The following KLHDC3 variants were observed in gnomAD, a reference collection of about 807,000 sequenced individuals.
KLHDC3 encodes the protein kelch domain-containing protein 3.
In KLHDC3, 5 loss-of-function variants were observed where a neutral mutation model predicts 44.1. The ratio of observed to expected loss-of-function variants is 0.11; its 90% CI spans 0.06 to 0.24. KLHDC3 has a LOEUF of 0.24. Among genes scored for constraint, KLHDC3 ranks in the 10% least tolerant of loss-of-function variants. The probability of loss-of-function intolerance (pLI) is 1.00; values close to 1 mark genes in which losing one functional copy is unlikely to be tolerated. For missense variants in KLHDC3, 247 were observed against 514.3 expected (o/e 0.48, Z 5.03); for synonymous variants, 170 against 189.0 (o/e 0.90, Z 0.82).
chr6:43,019,142 C>CT lies in KLHDC3; in HGVS notation c.981dup (p.Asp328Ter), dbSNP rs1396122960. ...GATGAATTTGACCTTATAGATCATTCTGACTTACACATTTTGGACTTTAGT... is the reference window on the plus strand; with the variant it reads ...GATGAATTTGACCTTATAGATCATTCTTGACTTACACATTTTGGACTTTAGT... On this transcript the variant is annotated frameshift_variant, in exon 9 of 11. Coordinates refer to ENST00000326974, the MANE Select transcript of KLHDC3 (RefSeq NM_057161.4). LOFTEE classifies it high-confidence loss of function. 1 of 1,612,646 alleles carries CT rather than the reference C, an allele frequency of 6.2e-7. No individual in the cohort carries two copies.
At position 43,018,938 on chromosome 6, in the gene KLHDC3, T is replaced by C. The variant is rs1275760556; in HGVS notation, c.896T>C (p.Val299Ala). The change falls in exon 8 of 11, where the codon GTT becomes GCT. Residue 299 changes from valine (V) to alanine (A), a missense_variant. By Grantham distance (64) the Val-to-Ala change is moderately conservative. This residue lies in a region of KLHDC3 where 176 missense variants were observed against 413.5 expected (regional missense o/e 0.43). Coordinates refer to ENST00000326974, the MANE Select transcript of KLHDC3 (RefSeq NM_057161.4). This position sits in a 1 kb window ranked among gnomAD's most constrained non-coding sequence, Gnocchi z 6.0. ...CGCCGGCGCCAGTGCTGCTGTATTG[T>C]TGGTGACAAGATTGTCCTCTTTGGG... ...CPRRRQCCCI[V>A]GDKIVLFGGT... The C allele has an allele frequency of 6.2e-7, 1 of 1,612,786 alleles. No homozygotes were observed. Among genetic ancestry groups the C allele is most frequent in the Non-Finnish European group, 8.5e-7 (1 of 1,179,228 alleles).
In KLHDC3 at chr6:43,017,698, G is replaced by A. The variant is rs111835570; in HGVS notation, c.331+3G>A. Reference sequence around the variant, plus strand: ...TGTGCTCTATGCCTTTGACGTCAGTGAGTATGGATCTCAGAGAGGCTATGT... The same window carrying A: ...TGTGCTCTATGCCTTTGACGTCAGTAAGTATGGATCTCAGAGAGGCTATGT... On this transcript the variant is annotated splice_donor_region_variant and intron_variant, in intron 3 of 10. Transcript: ENST00000326974. The surrounding 1 kb of genome is among the most constrained non-coding windows in gnomAD (Gnocchi z 6.0). 1 of 1,610,030 alleles carries A rather than the reference G, an allele frequency of 6.2e-7. No homozygotes were observed. Among genetic ancestry groups the A allele is most frequent in the Non-Finnish European group, 8.5e-7 (1 of 1,177,426 alleles).
In KLHDC3 at chr6:43,017,839, C is replaced by T; in HGVS notation, c.332-14C>T. On this transcript the variant is annotated splice_polypyrimidine_tract_variant and intron_variant, in intron 3 of 10. Transcript: ENST00000326974. The surrounding 1 kb of genome is among the most constrained non-coding windows in gnomAD (Gnocchi z 6.0). ...AGAGGGTGCTTAGTTGAGCCATTTTCTCATCTCCTTCAGATACGCACAAGT... is the reference window on the plus strand; with the variant it reads ...AGAGGGTGCTTAGTTGAGCCATTTTTTCATCTCCTTCAGATACGCACAAGT... The T allele has an allele frequency of 6.2e-7, 1 of 1,610,142 alleles. No homozygotes were observed. Among genetic ancestry groups the T allele is most frequent in the Non-Finnish European group, 8.5e-7 (1 of 1,177,026 alleles).
In KLHDC3 at chr6:43,021,213, A is replaced by T. The variant is rs916390343; in HGVS notation, c.*480A>T. On this transcript the variant is annotated 3_prime_UTR_variant, in exon 11 of 11. Coordinates refer to ENST00000326974, the MANE Select transcript of KLHDC3 (RefSeq NM_057161.4). The stretch of plus-strand genomic sequence containing the variant: ...TTGGGGAGGTGGGGACCAGCAGATA[A>T]ATCCCACCCTTCCTTGAGCTGTCGC... 5 of 408,102 alleles carry T rather than the reference A, an allele frequency of 1.2e-5. No individual in the cohort carries two copies. The highest frequency in any genetic ancestry group is 1.0e-4 in the African/African-American group (5 of 48,698). The allele number at this position is 408,102 out of a possible 1,614,324, so 25.3% of individuals were successfully genotyped here.
Position 43,017,160 on chromosome 6 carries a change from G to A in KLHDC3, c.-33G>A, listed in dbSNP as rs373950853. The A allele has an allele frequency of 2.5e-6, 4 of 1,600,946 alleles. No individual in the cohort carries two copies. Among genetic ancestry groups the A allele is most frequent in the South Asian group, 2.2e-5 (2 of 90,240 alleles). On this transcript the variant is annotated 5_prime_UTR_variant, in exon 2 of 11. Coordinates refer to ENST00000326974, the MANE Select transcript of KLHDC3 (RefSeq NM_057161.4). The surrounding 1 kb of genome is among the most constrained non-coding windows in gnomAD (Gnocchi z 6.0). ...TAGCAGAGGCAGCAGGCCGTGCCGG[G>A]GGGGCATGTTGCTGTAACCAGTGGC...
intron 1 of KLHDC3, among the ~76,000 whole-genome samples, chr6:43,015,574 G>A (rs985993929): frequency 2.6e-5 from 4 of 152,158 alleles, no homozygotes; most frequent in Non-Finnish European, 5.9e-5. Flanking sequence ...GACCAGCTGG[G>A]CATGGTGGCT....
intron 10 of KLHDC3, among the ~76,000 whole-genome samples, chr6:43,019,713 G>C (rs984298906): frequency 6.6e-6 from 1 of 152,222 alleles, no homozygotes; most frequent in Non-Finnish European, 1.5e-5. Context: ...ATTGGTTCCA[G>C]AAGATCTGGC....
In KLHDC3 at chr6:43,019,989, C is replaced by T. The variant is rs577848328; in HGVS notation, c.1082+623C>T. On this transcript the variant is annotated intron_variant, in intron 10 of 10. Transcript: ENST00000326974. Reference sequence around the variant, plus strand: ...GTCAGGAGTTCGAGACCATCCTGGCCACATGGTGAAGCCCTGTCTATACTA... The same window carrying T: ...GTCAGGAGTTCGAGACCATCCTGGCTACATGGTGAAGCCCTGTCTATACTA... Among the ~76,000 whole-genome samples the T allele has an allele frequency of 3.8e-4, 58 of 152,036 alleles. 1 individual carries two copies. The highest frequency in any genetic ancestry group is 1.3e-3 in the African/African-American group (53 of 41,464).
chr6:43,017,425 C>G lies in KLHDC3; in HGVS notation c.154+79C>G. 6.4e-7 allele frequency: 1 copy of G among 1,570,282 alleles called. No homozygotes were observed. The highest frequency in any genetic ancestry group is 8.7e-7 in the Non-Finnish European group (1 of 1,154,264). On this transcript the variant is annotated intron_variant, in intron 2 of 10. Coordinates refer to ENST00000326974, the MANE Select transcript of KLHDC3 (RefSeq NM_057161.4). The surrounding 1 kb of genome is among the most constrained non-coding windows in gnomAD (Gnocchi z 6.0). ...TGCTGATGAGGTTTGGCTGTGGTCTCTGGGACCAAGGGGATTGGGGACAAA... is the reference window on the plus strand; with the variant it reads ...TGCTGATGAGGTTTGGCTGTGGTCTGTGGGACCAAGGGGATTGGGGACAAA...
At chr6:43,015,498 G>GA (rs775265985) in intron 1 of KLHDC3, among the ~76,000 whole-genome samples, 6 of 152,170 alleles carry the variant, frequency 3.9e-5, no homozygotes, top group Admixed American at 6.5e-5. Context: ...GGATTTGCCT[G>GA]AAAAAACCTC....
Position 43,017,433 on chromosome 6 carries a change from A to G in KLHDC3, c.155-86A>G. 6.4e-7 allele frequency: 1 copy of G among 1,566,690 alleles called. No homozygotes were observed. Among genetic ancestry groups the G allele is most frequent in the Non-Finnish European group, 8.7e-7 (1 of 1,152,134 alleles). On this transcript the variant is annotated intron_variant, in intron 2 of 10. Transcript: ENST00000326974. This position sits in a 1 kb window ranked among gnomAD's most constrained non-coding sequence, Gnocchi z 6.0. Reference sequence around the variant, plus strand: ...AGGTTTGGCTGTGGTCTCTGGGACCAAGGGGATTGGGGACAAACATCTGGT... The same window carrying G: ...AGGTTTGGCTGTGGTCTCTGGGACCGAGGGGATTGGGGACAAACATCTGGT...
intron 10 of KLHDC3, 132 bp from the exon 11 acceptor site, chr6:43,020,535 G>A: frequency 1.5e-6 from 1 of 688,826 alleles, no homozygotes; most frequent in South Asian, 1.7e-5. Flanking sequence ...GGTCTCTTAA[G>A]TAAGAGGTGG....
At chr6:43,020,518 C>T (rs1581880263) in intron 10 of KLHDC3, 149 bp from the exon 11 acceptor site, 1 of 640,024 alleles carries the variant, frequency 1.6e-6, no homozygotes, top group East Asian at 2.8e-5. Context: ...GATTGTTCAA[C>T]CTAGTAGGTC....
chr6:43,017,683 G>A lies in KLHDC3; in HGVS notation c.319G>A (p.Ala107Thr), dbSNP rs775062417. 1 of 1,611,882 alleles carries A rather than the reference G, an allele frequency of 6.2e-7. No individual in the cohort carries two copies. ...DTEGACNVLY[A>T]FDVNTHKWFT... is the part of the protein sequence containing the mutation. ...CGAAGGGGCCTGCAATGTGCTCTATGCCTTTGACGTCAGTGAGTATGGATC... is the reference window on the plus strand; with the variant it reads ...CGAAGGGGCCTGCAATGTGCTCTATACCTTTGACGTCAGTGAGTATGGATC... Residue 107 changes from alanine to threonine, a missense_variant, in exon 3 of 11, where the codon GCC becomes ACC. By Grantham distance (58) the Ala-to-Thr change is moderately conservative. Transcript: ENST00000326974. This position sits in a 1 kb window ranked among gnomAD's most constrained non-coding sequence, Gnocchi z 6.0.
In KLHDC3 at chr6:43,017,382, A is replaced by G. The variant is rs767969288; in HGVS notation, c.154+36A>G. The G allele has an allele frequency of 1.7e-5, 27 of 1,595,954 alleles. No homozygotes were observed. In the Admixed American group the frequency reaches 3.7e-4, roughly 22 times the overall value. Reference sequence around the variant, plus strand: ...GCTGGGGCTGTCCCTGGGTCCCCACATCAGGGTGGGAACGGGCTGCTGATG... The same window carrying G: ...GCTGGGGCTGTCCCTGGGTCCCCACGTCAGGGTGGGAACGGGCTGCTGATG... On this transcript the variant is annotated intron_variant, in intron 2 of 10. Coordinates refer to ENST00000326974, the MANE Select transcript of KLHDC3 (RefSeq NM_057161.4). This position sits in a 1 kb window ranked among gnomAD's most constrained non-coding sequence, Gnocchi z 6.0.
intron 10 of KLHDC3, among the ~76,000 whole-genome samples, chr6:43,019,660 C>G (rs781773330): frequency 2.0e-5 from 3 of 152,108 alleles, no homozygotes; most frequent in Non-Finnish European, 4.4e-5. Context: ...AATCTTAGAA[C>G]CTAGCTGCAA....
Position 43,015,107 on chromosome 6 carries a change from A to G in KLHDC3, c.-60+759A>G, listed in dbSNP as rs1047157453. Reference sequence around the variant, plus strand: ...TACCTTGACATATCTGAAGGGAAGAATAGAGAATATAAGGGAGGATGGAAG... The same window carrying G: ...TACCTTGACATATCTGAAGGGAAGAGTAGAGAATATAAGGGAGGATGGAAG... On this transcript the variant is annotated intron_variant, in intron 1 of 10. Transcript: ENST00000326974. Among the ~76,000 whole-genome samples, 69 of 152,210 alleles carry G rather than the reference A, an allele frequency of 4.5e-4. 1 individual carries two copies. The highest frequency in any genetic ancestry group is 4.5e-3 in the Admixed American group (69 of 15,282).
In KLHDC3 at chr6:43,018,920, G is replaced by A; in HGVS notation, c.878G>A (p.Arg293His). The A allele has an allele frequency of 1.2e-6, 2 of 1,612,918 alleles. No individual in the cohort carries two copies. Among genetic ancestry groups the A allele is most frequent in the Non-Finnish European group, 1.7e-6 (2 of 1,179,402 alleles). The change falls in exon 8 of 11, where the codon CGC becomes CAC. Residue 293 changes from arginine (R) to histidine (H), a missense_variant. Transcript: ENST00000326974. The surrounding 1 kb of genome is among the most constrained non-coding windows in gnomAD (Gnocchi z 6.0). ...GGGAAGGGGCCATGTCCCCGCCGGCGCCAGTGCTGCTGTATTGTTGGTGAC... is the reference window on the plus strand; with the variant it reads ...GGGAAGGGGCCATGTCCCCGCCGGCACCAGTGCTGCTGTATTGTTGGTGAC... ...PKGKGPCPRR[R>H]QCCCIVGDKI...
intron 1 of KLHDC3, among the ~76,000 whole-genome samples, chr6:43,015,351 C>T (rs1762539344): frequency 2.0e-5 from 3 of 152,142 alleles, no homozygotes; most frequent in Admixed American, 2.0e-4. Flanking sequence ...CTGCAAGGGG[C>T]CTCCCTTATT....
Sources: allele counts gnomAD v4.1 joint callset (sites outside exome capture counted in the v4.1 genomes callset), GRCh38; gene constraint gnomAD v4.1.1; regional missense constraint gnomAD v4.1.1; non-coding constraint Gnocchi (gnomAD v3.1); transcripts MANE v1.5; gene names NCBI Gene and HGNC (gene_info 2026-07-23, HGNC 2026-07-21).